Variants in STXBP5L observed in about 807,000 individuals in gnomAD.
STXBP5L encodes syntaxin-binding protein 5-like.
A neutral mutation model predicts 144.5 loss-of-function variants in STXBP5L; 65 were observed. That is an observed-to-expected ratio of 0.45 (90% CI 0.37 to 0.55). The LOEUF (loss-of-function observed/expected upper bound fraction) is 0.55. Among genes scored for constraint, STXBP5L ranks in the 20% least tolerant of loss-of-function variants. The pLI is 0.00. For missense variants in STXBP5L, 1,298 were observed against 1,405.5 expected (o/e 0.92, Z 1.22); for synonymous variants, 505 against 469.6 (o/e 1.08, Z -0.97).
At chr3:121,065,309 A>C (rs999701167) in intron 5 of STXBP5L, among the ~76,000 whole-genome samples, 1 of 152,170 alleles carries the variant, frequency 6.6e-6, no homozygotes, top group Non-Finnish European at 1.5e-5. Flanking sequence ...TCTTTGAGAA[A>C]TATTTGATAT....
intron 19 of STXBP5L, among the ~76,000 whole-genome samples, chr3:121,305,954 CAATT>C (rs1394850143): frequency 6.6e-6 from 1 of 151,968 alleles, no homozygotes; most frequent in African/African-American, 2.4e-5. Context: ...CAGTAGACAA[CAATT>C]AATTATATTT....
At chr3:121,050,328 G>A (rs538269591) in intron 5 of STXBP5L, among the ~76,000 whole-genome samples, 1 of 152,104 alleles carries the variant, frequency 6.6e-6, no homozygotes, top group East Asian at 1.9e-4. Flanking sequence ...CCTAATTCTG[G>A]TTATTTTAGT....
intron 5 of STXBP5L, among the ~76,000 whole-genome samples, chr3:121,054,984 A>G (rs926290261): frequency 1.3e-5 from 2 of 152,128 alleles, no homozygotes; most frequent in Non-Finnish European, 2.9e-5. Flanking sequence ...GGGAGGAAGA[A>G]TTGATTAGTG....
At chr3:121,104,606 C>G (rs1358160397) in intron 5 of STXBP5L, among the ~76,000 whole-genome samples, 1 of 152,040 alleles carries the variant, frequency 6.6e-6, no homozygotes, top group Non-Finnish European at 1.5e-5. Context: ...CACTTACAGC[C>G]AACTGATCTT....
intron 25 of STXBP5L, among the ~76,000 whole-genome samples, chr3:121,416,652 C>T (rs1406519036): frequency 2.6e-5 from 4 of 151,454 alleles, no homozygotes; most frequent in African/African-American, 7.3e-5. Flanking sequence ...GGATTATAGG[C>T]GCCCACCATG....
chr3:121,034,342 G>T (rs569346533), intron 3 of STXBP5L, among the ~76,000 whole-genome samples: 13 of 152,098 alleles, frequency 8.5e-5, no homozygotes, highest in Admixed American at 7.2e-4. Flanking sequence ...TTATGTCCAT[G>T]TGGACACGTT....
Position 121,234,288 on chromosome 3 carries a change from G to A in STXBP5L, c.1184+600G>A, listed in dbSNP as rs561127739. 7.9e-5 allele frequency among the ~76,000 whole-genome samples: 12 copies of A among 152,082 alleles called. No individual in the cohort carries two copies. The South Asian group carries it at 1.7e-3, about 21-fold the overall frequency. ...ATGTTCTTCGCCCACTGATCTTTTA[G>A]CCTCATATATTTGTAACACAATTTT... is the stretch of plus-strand genomic sequence containing the variant. On this transcript the variant is annotated intron_variant, in intron 12 of 26. Transcript: ENST00000471454.
chr3:121,053,391 G>A (rs982161837), intron 5 of STXBP5L, among the ~76,000 whole-genome samples: 8 of 152,110 alleles, frequency 5.3e-5, no homozygotes, highest in Non-Finnish European at 1.0e-4. Context: ...TACCAAAACA[G>A]AGATATAGAT....
chr3:121,089,236 T>C (rs1054239887), intron 5 of STXBP5L, among the ~76,000 whole-genome samples: 2 of 151,700 alleles, frequency 1.3e-5, no homozygotes, highest in South Asian at 2.1e-4. Context: ...GTTTCTTCTA[T>C]TAGATATTTT....
intron 20 of STXBP5L, among the ~76,000 whole-genome samples, chr3:121,347,643 A>C (rs78481670): frequency 6.6e-6 from 1 of 152,106 alleles, no homozygotes; most frequent in South Asian, 2.1e-4. Flanking sequence ...TTGAGCAGTC[A>C]TTTGTAGTTC....
intron 18 of STXBP5L, among the ~76,000 whole-genome samples, chr3:121,269,099 T>A (rs2050661524): frequency 6.6e-6 from 1 of 152,084 alleles, no homozygotes; most frequent in African/African-American, 2.4e-5. Flanking sequence ...AATGCCTATG[T>A]AGCAGCATTT....
intron 5 of STXBP5L, among the ~76,000 whole-genome samples, chr3:121,050,891 T>A (rs891885867): frequency 2.0e-5 from 3 of 151,982 alleles, no homozygotes; most frequent in African/African-American, 7.3e-5. Flanking sequence ...TGGAGGAAGA[T>A]CTACCAAGCA....
At chr3:121,391,312 T>G (rs577350068) in intron 22 of STXBP5L, among the ~76,000 whole-genome samples, 1 of 152,274 alleles carries the variant, frequency 6.6e-6, no homozygotes, top group East Asian at 1.9e-4. Context: ...CTTTTTACCT[T>G]CCTTGCAATG....
intron 3 of STXBP5L, among the ~76,000 whole-genome samples, chr3:121,005,289 T>C (rs1440487761): frequency 1.3e-5 from 2 of 152,198 alleles, no homozygotes; most frequent in Non-Finnish European, 2.9e-5. Flanking sequence ...AGAGGGTGTA[T>C]GTGTCCAGGA....
At chr3:120,963,461 A>T (rs1284750739) in intron 3 of STXBP5L, among the ~76,000 whole-genome samples, 1 of 152,144 alleles carries the variant, frequency 6.6e-6, no homozygotes, top group African/African-American at 2.4e-5. Context: ...TACCTAGTTT[A>T]TTGAGAGTTT....
At chr3:121,256,631 T>C (rs989974981) in intron 16 of STXBP5L, among the ~76,000 whole-genome samples, 2 of 151,888 alleles carry the variant, frequency 1.3e-5, no homozygotes, top group Non-Finnish European at 2.9e-5. Flanking sequence ...AGTGAATTAA[T>C]GCAAAGTTAA....
chr3:121,045,582 T>C (rs747321000), intron 5 of STXBP5L, 47 bp downstream of exon 5: 1 of 1,548,184 alleles, frequency 6.5e-7, no homozygotes, highest in Non-Finnish European at 8.8e-7. Flanking sequence ...AACAAAATTA[T>C]TTCCTGAGCA....
At chr3:120,916,543 C>T (rs1283982856) in intron 2 of STXBP5L, among the ~76,000 whole-genome samples, 4 of 152,078 alleles carry the variant, frequency 2.6e-5, no homozygotes, top group Non-Finnish European at 4.4e-5. Context: ...TCAGGTGATC[C>T]GCCCACCCCA....
chr3:121,349,368 T>A (rs1158055240), intron 20 of STXBP5L, among the ~76,000 whole-genome samples: 1 of 151,834 alleles, frequency 6.6e-6, no homozygotes, highest in Admixed American at 6.6e-5. Context: ...GAGGAGTGCT[T>A]TACTTCCAAC....
Sources: allele counts gnomAD v4.1 joint callset (sites outside exome capture counted in the v4.1 genomes callset), GRCh38; gene constraint gnomAD v4.1.1; transcripts MANE v1.5; gene names NCBI Gene and HGNC (gene_info 2026-07-23, HGNC 2026-07-21).